Variants in IL1RAPL1 observed in about 807,000 individuals in gnomAD.
IL1RAPL1 encodes interleukin-1 receptor accessory protein-like 1.
IL1RAPL1 carries 3 observed loss-of-function variants against 48.4 expected under a neutral mutation model. The observed-to-expected ratio is 0.06, with a 90% CI of 0.03 to 0.16. The LOEUF (loss-of-function observed/expected upper bound fraction) is 0.16, where lower values mean the gene tolerates loss of function less well. Among genes scored for constraint, IL1RAPL1 ranks in the 10% least tolerant of loss-of-function variants. IL1RAPL1 has a pLI of 1.00. For missense variants in IL1RAPL1, 349 were observed against 530.6 expected (o/e 0.66, Z 3.36); for synonymous variants, 185 against 187.7 (o/e 0.99, Z 0.12).
At chrX:28,632,478 A>G (rs1342073756) in intron 1 of IL1RAPL1, among the ~76,000 whole-genome samples, 2 of 111,799 alleles carry the variant, frequency 1.8e-5, no homozygotes, top group African/African-American at 6.5e-5. Context: ...TGTAATTTTT[A>G]CATGAAAATG....
At chrX:29,241,207 A>G (rs972148392) in intron 2 of IL1RAPL1, among the ~76,000 whole-genome samples, 2 of 111,806 alleles carry the variant, frequency 1.8e-5, no homozygotes, top group African/African-American at 6.5e-5. Flanking sequence ...CAAATATACT[A>G]TATAGTGAAT....
intron 3 of IL1RAPL1, among the ~76,000 whole-genome samples, chrX:29,319,542 G>GTATC (rs1278610381): frequency 2.5e-5 from 2 of 80,666 alleles, no homozygotes; most frequent in Non-Finnish European, 5.1e-5. Flanking sequence ...ATGTATGTAT[G>GTATC]TATGTATGTA....
Position 28,797,193 on chromosome X carries a change from G to A in IL1RAPL1, c.82+7768G>A, listed in dbSNP as rs1175710232. 5.4e-5 allele frequency among the ~76,000 whole-genome samples: 6 copies of A among 111,199 alleles called. No homozygotes were observed. In the East Asian group the frequency reaches 1.7e-3, roughly 32 times the overall value. On this transcript the variant is annotated intron_variant, in intron 2 of 10. Transcript: ENST00000378993. ...TCACATTTTCCTCCTAAACCTCTGG[G>A]CCTATGATGGTGGGGGACTGCTATG...
intron 2 of IL1RAPL1, among the ~76,000 whole-genome samples, chrX:29,238,203 G>C (rs1423100248): frequency 7.2e-5 from 8 of 111,840 alleles, no homozygotes; most frequent in Non-Finnish European, 1.5e-4. Flanking sequence ...TGAGGACAGA[G>C]TTTATAAATA....
At position 29,192,377 on chromosome X, in the gene IL1RAPL1, T is replaced by C. The variant is rs142920788; in HGVS notation, c.83-90561T>C. 2.6e-4 allele frequency among the ~76,000 whole-genome samples: 29 copies of C among 112,370 alleles called. No homozygotes were observed. In the East Asian group the frequency reaches 7.5e-3, roughly 29 times the overall value. ...AGGTATCTGGCATCCCTAGTGTGCA[T>C]TTTGGTGGCCCCAAAATTTCTTTGC... On this transcript the variant is annotated intron_variant, in intron 2 of 10. Coordinates refer to ENST00000378993, the MANE Select transcript of IL1RAPL1 (RefSeq NM_014271.4).
At chrX:29,198,748 G>A (rs1324710376) in intron 2 of IL1RAPL1, among the ~76,000 whole-genome samples, 1 of 111,357 alleles carries the variant, frequency 9.0e-6, no homozygotes, top group Non-Finnish European at 1.9e-5. Context: ...AAATTACCTG[G>A]AGAAATTGTA....
At chrX:28,708,888 G>A (rs1210296084) in intron 1 of IL1RAPL1, among the ~76,000 whole-genome samples, 1 of 111,356 alleles carries the variant, frequency 9.0e-6, no homozygotes, top group African/African-American at 3.3e-5. Context: ...GTGTTTGATA[G>A]CAGAGTAGGG....
At chrX:29,319,160 G>GTCTGCCTGTCTGTCTATCTA (rs370282992) in intron 3 of IL1RAPL1, among the ~76,000 whole-genome samples, 2,238 of 84,921 alleles carry the variant, frequency 0.026, 73 homozygotes, top group East Asian at 0.067. Flanking sequence ...CTATCTGTCT[G>GTCTGCCTGTCTGTCTATCTA]TCTATCTATC....
intron 2 of IL1RAPL1, among the ~76,000 whole-genome samples, chrX:28,943,044 G>T (rs1924203937): frequency 9.1e-6 from 1 of 110,484 alleles, no homozygotes; most frequent in Non-Finnish European, 1.9e-5. Context: ...TATGCCTAAG[G>T]TTTGATCGTG....
At chrX:29,759,512 T>C (rs1928704615) in intron 6 of IL1RAPL1, among the ~76,000 whole-genome samples, 1 of 111,905 alleles carries the variant, frequency 8.9e-6, no homozygotes, top group Non-Finnish European at 1.9e-5. Flanking sequence ...GTAGATATAT[T>C]GCAAAATGCC....
At chrX:29,745,031 G>A (rs139910480) in intron 6 of IL1RAPL1, among the ~76,000 whole-genome samples, 276 of 111,916 alleles carry the variant, frequency 2.5e-3, no homozygotes, top group African/African-American at 7.9e-3. Context: ...AACTAAAGAC[G>A]AGAGCATCGT....
At chrX:28,909,207 TTAA>T (rs1274658712) in intron 2 of IL1RAPL1, among the ~76,000 whole-genome samples, 2 of 111,751 alleles carry the variant, frequency 1.8e-5, no homozygotes, top group Non-Finnish European at 3.8e-5. Flanking sequence ...TACAGATGGA[TTAA>T]TGACTGTCAT....
Position 29,879,679 on chromosome X carries a change from T to C in IL1RAPL1, c.779-37785T>C, listed in dbSNP as rs182760692. ...AAAAGCTATTTCCGTTTTAAAAATATCGTGAAGTCTTTTGTTTAGAATTGG... is the reference window on the plus strand; with the variant it reads ...AAAAGCTATTTCCGTTTTAAAAATACCGTGAAGTCTTTTGTTTAGAATTGG... On this transcript the variant is annotated intron_variant, in intron 6 of 10. Transcript: ENST00000378993. Among the ~76,000 whole-genome samples the C allele has an allele frequency of 7.2e-5, 8 of 110,402 alleles. No homozygotes were observed. The Admixed American group carries it at 7.8e-4, about 11-fold the overall frequency.
chrX:28,779,628 GTGTGTGTATATATATATATATATA>G (rs1453176900), intron 1 of IL1RAPL1, among the ~76,000 whole-genome samples: 12 of 56,264 alleles, frequency 2.1e-4, no homozygotes, highest in African/African-American at 8.7e-4. Context: ...ATGTGTGTGT[GTGTGTGTATATATATATATATATA>G]TATATATATA....
intron 2 of IL1RAPL1, among the ~76,000 whole-genome samples, chrX:29,082,994 A>G (rs1298618017): frequency 8.9e-6 from 1 of 111,791 alleles, no homozygotes; most frequent in Non-Finnish European, 1.9e-5. Flanking sequence ...CTATGTGCCT[A>G]ACACAGTGCT....
chrX:28,932,055 AAAAT>A (rs774745432), intron 2 of IL1RAPL1, among the ~76,000 whole-genome samples: 38 of 109,900 alleles, frequency 3.5e-4, no homozygotes, highest in African/African-American at 7.9e-4. Flanking sequence ...AAAAAAATAA[AAAAT>A]AAATAAATAA....
intron 6 of IL1RAPL1, among the ~76,000 whole-genome samples, chrX:29,869,409 G>A (rs1164549046): frequency 9.0e-6 from 1 of 111,524 alleles, no homozygotes; most frequent in Non-Finnish European, 1.9e-5. Context: ...CTGGTGATAC[G>A]TAATGCTCCC....
chrX:28,678,468 T>A (rs919730436), intron 1 of IL1RAPL1, among the ~76,000 whole-genome samples: 5 of 111,695 alleles, frequency 4.5e-5, no homozygotes, highest in Non-Finnish European at 9.4e-5. Flanking sequence ...AGTTTCAAAG[T>A]ATGTTTCAAG....
chrX:29,526,596 G>A (rs1383813285), intron 5 of IL1RAPL1, among the ~76,000 whole-genome samples: 5 of 111,480 alleles, frequency 4.5e-5, no homozygotes, highest in African/African-American at 1.6e-4. Flanking sequence ...AAATTCGACA[G>A]CTACCATATG....
Sources: allele counts gnomAD v4.1 joint callset (sites outside exome capture counted in the v4.1 genomes callset), GRCh38; gene constraint gnomAD v4.1.1; transcripts MANE v1.5; gene names NCBI Gene and HGNC (gene_info 2026-07-23, HGNC 2026-07-21).